Variants in ADAMTS17 observed in about 807,000 individuals in gnomAD.
ADAMTS17 encodes ADAM metallopeptidase with thrombospondin type 1 motif 17.
In ADAMTS17, 113 loss-of-function variants were observed where a neutral mutation model predicts 141.5. The ratio of observed to expected loss-of-function variants is 0.80; its 90% confidence interval spans 0.69 to 0.93. The LOEUF (loss-of-function observed/expected upper bound fraction) is 0.93. ADAMTS17 is among the 40% of genes least tolerant of loss of function. The probability of loss-of-function intolerance (pLI) is 0.00; values close to 1 mark genes in which losing one functional copy is unlikely to be tolerated. For synonymous variants in ADAMTS17, 768 were observed against 630.6 expected (o/e 1.22, Z -3.27); for missense variants, 1,659 against 1,517.9 (o/e 1.09, Z -1.54).
At chr15:100,022,104 G>A (rs1170214757) in intron 18 of ADAMTS17, among the ~76,000 whole-genome samples, 2 of 152,124 alleles carry the variant, frequency 1.3e-5, no homozygotes, top group Non-Finnish European at 2.9e-5. Context: ...ACTTCCCCGG[G>A]CTCAGTTTTT....
At chr15:100,164,846 G>A (rs929656661) in intron 8 of ADAMTS17, among the ~76,000 whole-genome samples, 28 of 152,216 alleles carry the variant, frequency 1.8e-4, no homozygotes, top group Non-Finnish European at 7.3e-5. Flanking sequence ...GAGGCCCACT[G>A]TTCTTGGTAA....
chr15:100,234,739 G>A lies in ADAMTS17; in HGVS notation c.1075+19397C>T, dbSNP rs568997960. Among the ~76,000 whole-genome samples, 146 of 152,244 alleles carry A rather than the reference G, an allele frequency of 9.6e-4. 1 individual carries two copies. Among genetic ancestry groups the A allele is most frequent in the African/African-American group, 3.2e-3 (134 of 41,548 alleles). ...CGTAAGGCAGCCCCAGGGACTCCCC[G>A]ACCACTCCTCTGACTGCTGCCTCTC... is the stretch of plus-strand genomic sequence containing the variant. On this transcript the variant is annotated intron_variant, in intron 7 of 21. Transcript: ENST00000268070.
intron 7 of ADAMTS17, among the ~76,000 whole-genome samples, chr15:100,224,286 A>G (rs1389927331): frequency 1.3e-5 from 2 of 152,136 alleles, no homozygotes; most frequent in Non-Finnish European, 2.9e-5. Context: ...GACAGAGCAA[A>G]TGCAATTGTC....
chr15:100,035,937 C>G (rs2030662119), intron 18 of ADAMTS17, among the ~76,000 whole-genome samples: 1 of 152,192 alleles, frequency 6.6e-6, no homozygotes, highest in Non-Finnish European at 1.5e-5. Flanking sequence ...AGCTACTGCT[C>G]AGAGACATAG....
intron 3 of ADAMTS17, among the ~76,000 whole-genome samples, chr15:100,291,653 T>C (rs763132588): frequency 6.6e-6 from 1 of 152,172 alleles, no homozygotes; most frequent in African/African-American, 2.4e-5. Flanking sequence ...GGAAATACTA[T>C]ACAGCCATAA....
rs192122135 is a variant in ADAMTS17, at chr15:100,217,535, G to C, written c.1076-18112C>G. 7.3e-4 allele frequency among the ~76,000 whole-genome samples: 110 copies of C among 150,310 alleles called. 2 individuals carry two copies. The East Asian group carries it at 0.021, about 28-fold the overall frequency. Reference sequence around the variant, plus strand: ...AATCGCTTGAATCCGGGAGGCGGAGGCTGCAGTGAGCCGAGATCATGCCAT... The same window carrying C: ...AATCGCTTGAATCCGGGAGGCGGAGCCTGCAGTGAGCCGAGATCATGCCAT... On this transcript the variant is annotated intron_variant, in intron 7 of 21. Transcript: ENST00000268070.
At chr15:100,216,154 G>A (rs1274167988) in intron 7 of ADAMTS17, among the ~76,000 whole-genome samples, 1 of 152,204 alleles carries the variant, frequency 6.6e-6, no homozygotes, top group Non-Finnish European at 1.5e-5. Flanking sequence ...TTTGTAAGAT[G>A]AGATGAACAC....
At chr15:100,282,372 G>A (rs1020578840) in intron 3 of ADAMTS17, among the ~76,000 whole-genome samples, 6 of 152,174 alleles carry the variant, frequency 3.9e-5, no homozygotes, top group African/African-American at 1.4e-4. Flanking sequence ...ATCTGCAGGG[G>A]CTATGTTCCA....
intron 6 of ADAMTS17, among the ~76,000 whole-genome samples, chr15:100,257,404 G>A (rs534636502): frequency 9.2e-5 from 14 of 152,332 alleles, no homozygotes; most frequent in African/African-American, 2.6e-4. Context: ...TAACATCTGC[G>A]AGGACCCAGA....
chr15:100,247,559 G>A (rs1234431055), intron 7 of ADAMTS17, among the ~76,000 whole-genome samples: 1 of 152,168 alleles, frequency 6.6e-6, no homozygotes, highest in Admixed American at 6.5e-5. Context: ...GAGTCACAGG[G>A]TGACCAATGT....
At chr15:100,201,109 A>G (rs539898362) in intron 7 of ADAMTS17, among the ~76,000 whole-genome samples, 1 of 152,328 alleles carries the variant, frequency 6.6e-6, no homozygotes, top group Non-Finnish European at 1.5e-5. Flanking sequence ...TGTCCAAATC[A>G]AACTGGTGCA....
intron 3 of ADAMTS17, among the ~76,000 whole-genome samples, chr15:100,296,579 G>GT (rs57644025): frequency 0.088 from 11,935 of 135,298 alleles, 662 homozygotes; most frequent in East Asian, 0.24. Flanking sequence ...GGGTGAGGGG[G>GT]GGTGTGTGTG....
rs151270401 is a variant in ADAMTS17 at position 100,190,976 on chromosome 15, C to T, written c.1181+8342G>A. On this transcript the variant is annotated intron_variant, in intron 8 of 21. Transcript: ENST00000268070. ...GCGCCGTGGGAAGGGAGGTGGCTCA[C>T]CGTCTGCAAAATGTCGACTCTGGAC... Among the ~76,000 whole-genome samples the T allele has an allele frequency of 2.4e-3, 359 of 152,282 alleles. 2 individuals carry two copies. Among genetic ancestry groups the T allele is most frequent in the African/African-American group, 8.2e-3 (341 of 41,560 alleles).
At chr15:100,077,444 AGAGT>A (rs1386769071) in intron 15 of ADAMTS17, among the ~76,000 whole-genome samples, 5 of 132,272 alleles carry the variant, frequency 3.8e-5, no homozygotes, top group East Asian at 2.2e-4. Context: ...CCTGGGCAAC[AGAGT>A]GAGACTCCCT....
intron 3 of ADAMTS17, among the ~76,000 whole-genome samples, chr15:100,296,487 C>T (rs1003073215): frequency 1.2e-4 from 18 of 151,726 alleles, no homozygotes; most frequent in African/African-American, 4.4e-4. Context: ...CTTCCAAGAC[C>T]AAGTCATTTT....
chr15:100,108,671 G>C (rs1000213443), intron 14 of ADAMTS17, among the ~76,000 whole-genome samples: 4 of 152,214 alleles, frequency 2.6e-5, no homozygotes, highest in Non-Finnish European at 5.9e-5. Flanking sequence ...GGCTTGTGCA[G>C]ACATCCTTTA....
intron 13 of ADAMTS17, among the ~76,000 whole-genome samples, chr15:100,115,730 C>T (rs889771273): frequency 6.6e-6 from 1 of 152,178 alleles, no homozygotes; most frequent in Non-Finnish European, 1.5e-5. Context: ...AACATAAGAC[C>T]TGGCATCAGA....
At chr15:100,208,213 C>A (rs915474585) in intron 7 of ADAMTS17, among the ~76,000 whole-genome samples, 1 of 152,176 alleles carries the variant, frequency 6.6e-6, no homozygotes, top group Non-Finnish European at 1.5e-5. Flanking sequence ...GCTGCTGGTT[C>A]TGCTTAGCGA....
At chr15:100,283,544 C>A (rs4965626) in intron 3 of ADAMTS17, among the ~76,000 whole-genome samples, 2 of 152,264 alleles carry the variant, frequency 1.3e-5, no homozygotes, top group African/African-American at 4.8e-5. Context: ...TGGCAGCCGC[C>A]GCCCTTCTCA....
Sources: allele counts gnomAD v4.1 joint callset (sites outside exome capture counted in the v4.1 genomes callset), GRCh38; gene constraint gnomAD v4.1.1; transcripts MANE v1.5; gene names NCBI Gene and HGNC (gene_info 2026-07-23, HGNC 2026-07-21).